Variants in STK32A observed in about 807,000 individuals in gnomAD.
STK32A encodes the protein serine/threonine kinase 32A, also known as serine/threonine-protein kinase 32A.
A neutral mutation model predicts 53.2 loss-of-function variants in STK32A; 41 were observed. The ratio of observed to expected loss-of-function variants is 0.77; its 90% confidence interval spans 0.60 to 1.00. The LOEUF (loss-of-function observed/expected upper bound fraction) is 1.00, where lower values mean the gene tolerates loss of function less well. Ranked by LOEUF, STK32A falls within the 50% of genes least tolerant of loss-of-function variation. The pLI is 0.00. For synonymous variants in STK32A, 166 were observed against 162.8 expected (o/e 1.02, Z -0.15); for missense variants, 458 against 485.8 (o/e 0.94, Z 0.54).
At chr5:147,256,198 A>G (rs9687216) in intron 2 of STK32A, among the ~76,000 whole-genome samples, 115,210 of 152,180 alleles carry the variant, frequency 0.76, 43,872 homozygotes, top group Admixed American at 0.82. Context: ...TCCAAGGAAC[A>G]CTAAGTTTCC....
the STK32A span, chr5:147,395,649 C>T: frequency 6.2e-7 from 1 of 1,614,118 alleles, no homozygotes; most frequent in East Asian, 2.2e-5. Flanking sequence ...GGGGTGCCAC[C>T]TTTGGGGGTG....
chr5:147,338,011 T>C (rs1755222789), intron 5 of STK32A, among the ~76,000 whole-genome samples: 1 of 152,150 alleles, frequency 6.6e-6, no homozygotes, highest in Non-Finnish European at 1.5e-5. Flanking sequence ...GGGTGTTAGA[T>C]GGAGCATTCA....
intron 2 of STK32A, among the ~76,000 whole-genome samples, chr5:147,263,898 T>A (rs1361393541): frequency 6.6e-6 from 1 of 152,074 alleles, no homozygotes; most frequent in East Asian, 1.9e-4. Flanking sequence ...TCATAACATA[T>A]CAAAACATTC....
At chr5:147,367,687 G>A (rs1581144832) in intron 8 of STK32A, among the ~76,000 whole-genome samples, 1 of 152,072 alleles carries the variant, frequency 6.6e-6, no homozygotes, top group East Asian at 1.9e-4. Context: ...GGCAGGAACC[G>A]GCCATTTTCA....
chr5:147,399,057 C>G, the STK32A span: 16 of 1,610,722 alleles, frequency 9.9e-6, no homozygotes, highest in Middle Eastern at 1.7e-4. Flanking sequence ...CCATTCTACT[C>G]CACTCCCACC....
chr5:147,265,129 ATT>A (rs1561679380), intron 2 of STK32A, among the ~76,000 whole-genome samples: 1 of 131,866 alleles, frequency 7.6e-6, no homozygotes, highest in Non-Finnish European at 1.6e-5. Flanking sequence ...TATATATACA[ATT>A]TTATATATTT....
intron 11 of STK32A, among the ~76,000 whole-genome samples, chr5:147,380,381 T>C (rs1757404592): frequency 6.6e-6 from 1 of 152,244 alleles, no homozygotes; most frequent in East Asian, 1.9e-4. Flanking sequence ...TCTTCTGTGC[T>C]TTGTATTGTT....
chr5:147,291,498 G>A (rs1315819729), intron 4 of STK32A, among the ~76,000 whole-genome samples: 1 of 150,918 alleles, frequency 6.6e-6, no homozygotes, highest in African/African-American at 2.4e-5. Flanking sequence ...CTCGGAATAA[G>A]TAAAACAATG....
intron 2 of STK32A, among the ~76,000 whole-genome samples, chr5:147,273,694 A>T (rs1033245487): frequency 6.6e-6 from 1 of 152,190 alleles, no homozygotes; most frequent in Non-Finnish European, 1.5e-5. Context: ...CACAAAGGAG[A>T]TAGAATTGTC....
rs1050691538 is a variant in STK32A, at chr5:147,274,643, C to A, written c.53-3481C>A. Among the ~76,000 whole-genome samples the A allele has an allele frequency of 7.2e-5, 11 of 152,282 alleles. No individual in the cohort carries two copies. The East Asian group carries it at 2.1e-3, about 29-fold the overall frequency. On this transcript the variant is annotated intron_variant, in intron 2 of 12. Coordinates refer to ENST00000397936, the MANE Select transcript of STK32A (RefSeq NM_001112724.2). ...AGCTTAAGGTGGTATTTGCTGGGAG[C>A]TATGATACTCTTTAAGAAGTAATAG...
intron 2 of STK32A, among the ~76,000 whole-genome samples, chr5:147,247,720 G>A (rs538068509): frequency 6.6e-6 from 1 of 152,288 alleles, no homozygotes; most frequent in East Asian, 1.9e-4. Context: ...AATGAACATG[G>A]CTTTGTTCCA....
At chr5:147,333,139 T>A (rs917998005) in intron 5 of STK32A, among the ~76,000 whole-genome samples, 5 of 152,294 alleles carry the variant, frequency 3.3e-5, no homozygotes, top group Non-Finnish European at 5.9e-5. Context: ...TATTGATCAA[T>A]TATGCATGTT....
chr5:147,255,186 T>C (rs921566137), intron 2 of STK32A, among the ~76,000 whole-genome samples: 1 of 152,202 alleles, frequency 6.6e-6, no homozygotes, highest in African/African-American at 2.4e-5. Flanking sequence ...ACTGACATAT[T>C]AAGTCTTTGA....
chr5:147,307,873 A>C (rs1753496671), intron 4 of STK32A, among the ~76,000 whole-genome samples: 1 of 151,744 alleles, frequency 6.6e-6, no homozygotes, highest in Non-Finnish European at 1.5e-5. Context: ...GGGTTTCCTG[A>C]CTCTGTTCCA....
chr5:147,322,154 A>G (rs905712838), intron 4 of STK32A, among the ~76,000 whole-genome samples: 2 of 152,200 alleles, frequency 1.3e-5, no homozygotes, highest in African/African-American at 4.8e-5. Flanking sequence ...CTCATGCCCA[A>G]TACACCAATG....
At chr5:147,288,597 G>A (rs978003755) in intron 4 of STK32A, among the ~76,000 whole-genome samples, 1 of 152,078 alleles carries the variant, frequency 6.6e-6, no homozygotes, top group Admixed American at 6.6e-5. Context: ...AGGGGAGCAG[G>A]GCATCTCACA....
In STK32A at chr5:147,377,002, C is replaced by T. The variant is rs182499180; in HGVS notation, c.1032+1784C>T. 3.4e-3 allele frequency among the ~76,000 whole-genome samples: 512 copies of T among 152,182 alleles called. 4 individuals are homozygous for T. Among genetic ancestry groups the T allele is most frequent in the Admixed American group, 6.7e-3 (103 of 15,280 alleles). On this transcript the variant is annotated intron_variant, in intron 11 of 12. Transcript: ENST00000397936. Reference sequence around the variant, plus strand: ...TGTTATGAATATAGATGCAAAAATCCTTAACATATTAGCAAGGTGTTCAGT... The same window carrying T: ...TGTTATGAATATAGATGCAAAAATCTTTAACATATTAGCAAGGTGTTCAGT...
At chr5:147,266,531 T>C (rs539349370) in intron 2 of STK32A, among the ~76,000 whole-genome samples, 1 of 152,304 alleles carries the variant, frequency 6.6e-6, no homozygotes, top group South Asian at 2.1e-4. Flanking sequence ...AGAACTTTAA[T>C]GATGATACCT....
chr5:147,330,144 C>T (rs1007275615), intron 5 of STK32A, among the ~76,000 whole-genome samples: 2 of 152,126 alleles, frequency 1.3e-5, no homozygotes, highest in Admixed American at 6.6e-5. Context: ...GTTGAGTTCT[C>T]GGCACAGCTG....
Sources: allele counts gnomAD v4.1 joint callset (sites outside exome capture counted in the v4.1 genomes callset), GRCh38; gene constraint gnomAD v4.1.1; transcripts MANE v1.5; gene names NCBI Gene and HGNC (gene_info 2026-07-23, HGNC 2026-07-21).